The following TGM3 variants were observed in gnomAD, a reference collection of about 807,000 sequenced individuals.
TGM3 encodes the protein protein-glutamine gamma-glutamyltransferase E.
In TGM3, 52 loss-of-function variants were observed where a neutral mutation model predicts 73.8. The ratio of observed to expected loss-of-function variants is 0.70; its 90% CI spans 0.56 to 0.89. The LOEUF is 0.89. TGM3 is among the 40% of genes least tolerant of loss of function. The pLI, the probability that TGM3 is intolerant of heterozygous loss-of-function variation, is 0.00. For missense variants in TGM3, 928 were observed against 909.9 expected (o/e 1.02, Z -0.26); for synonymous variants, 372 against 354.9 (o/e 1.05, Z -0.54).
chr20:2,325,829 G>A lies in TGM3; in HGVS notation c.984-20G>A, dbSNP rs538219176. On this transcript the variant is annotated intron_variant, in intron 7 of 12. Transcript: ENST00000381458. ...TGTGTGGTCTTGGGCAAGCGCTGCA[G>A]TCTCTGGTTCTATCTGCAGGAATTT... 42 of 1,536,146 alleles carry A rather than the reference G, an allele frequency of 2.7e-5. No homozygotes were observed. In the African/African-American group the frequency reaches 4.9e-4, roughly 18 times the overall value.
chr20:2,302,429 C>A (rs963587846), intron 1 of TGM3, among the ~76,000 whole-genome samples: 3 of 151,962 alleles, frequency 2.0e-5, no homozygotes, highest in Non-Finnish European at 2.9e-5. Context: ...GTGAACCCCC[C>A]CAAAAAACAA....
intron 1 of TGM3, among the ~76,000 whole-genome samples, chr20:2,307,403 C>T (rs1310504164): frequency 6.6e-6 from 1 of 152,214 alleles, no homozygotes; most frequent in Non-Finnish European, 1.5e-5. Flanking sequence ...AGCGCCCCTG[C>T]TCCAGACAAG....
In TGM3 at chr20:2,340,737, C is replaced by A; in HGVS notation, c.*156C>A. 1 of 960,520 alleles carries A rather than the reference C, an allele frequency of 1.0e-6. No homozygotes were observed. Among genetic ancestry groups the A allele is most frequent in the Non-Finnish European group, 1.6e-6 (1 of 623,904 alleles). The allele number at this position is 960,520 out of a possible 1,614,324, so 59.5% of individuals were successfully genotyped here. A position where few individuals can be genotyped will look rare whatever the true frequency, so the allele number is the denominator to read the frequency against. On this transcript the variant is annotated 3_prime_UTR_variant, in exon 13 of 13. Transcript: ENST00000381458. ...CCTCCAGGCTCCAGCACATCCCCCTCTCCTCTCCCCCAGGTTGGGGCTGGG... is the reference window on the plus strand; with the variant it reads ...CCTCCAGGCTCCAGCACATCCCCCTATCCTCTCCCCCAGGTTGGGGCTGGG...
rs79368040 is a variant in TGM3, at chr20:2,332,551, G to T, written c.1642+241G>T. 4.3e-3 allele frequency among the ~76,000 whole-genome samples: 657 copies of T among 152,304 alleles called. 3 individuals carry two copies. Among genetic ancestry groups the T allele is most frequent in the African/African-American group, 0.015 (634 of 41,560 alleles). ...TTTACGCCCCAAGGGAGGAAGGAGG[G>T]AGGCTTTGGCAGTTCATAGCTATGG... On this transcript the variant is annotated intron_variant, in intron 10 of 12. Transcript: ENST00000381458. The surrounding 1 kb of genome is among the most constrained non-coding windows in gnomAD (Gnocchi z 4.4).
At chr20:2,339,112 AG>A (rs1304761827) in intron 11 of TGM3, among the ~76,000 whole-genome samples, 1 of 152,266 alleles carries the variant, frequency 6.6e-6, no homozygotes, top group African/African-American at 2.4e-5. Flanking sequence ...GAAGTTTAGA[AG>A]GACATTGGTA....
chr20:2,315,517 T>C (rs1050006299), intron 5 of TGM3, among the ~76,000 whole-genome samples: 1 of 152,226 alleles, frequency 6.6e-6, no homozygotes, highest in African/African-American at 2.4e-5. Context: ...AGGCTGGGCA[T>C]GGCCTGTCCT....
intron 5 of TGM3, among the ~76,000 whole-genome samples, chr20:2,314,333 T>C (rs2084222305): frequency 2.0e-5 from 3 of 150,784 alleles, no homozygotes; most frequent in Admixed American, 2.0e-4. Flanking sequence ...AAGACCCTGT[T>C]TCCAAAAATA....
chr20:2,340,033 C>A, intron 12 of TGM3, 46 bp downstream of exon 12: 5 of 196,582 alleles, frequency 2.5e-5, no homozygotes, highest in South Asian at 8.7e-5. Flanking sequence ...CGGGAGGGGG[C>A]GGGGGGGCCC....
At position 2,337,485 on chromosome 20, in the gene TGM3, G is replaced by A. The variant is rs146668858; in HGVS notation, c.1800+2212G>A. On this transcript the variant is annotated intron_variant, in intron 11 of 12. Coordinates refer to ENST00000381458, the MANE Select transcript of TGM3 (RefSeq NM_003245.4). ...TGCAATCCCAGCACTTTGGGAAGCC[G>A]AGGCAGGTGGAGCACCTGAGGTCAG... Among the ~76,000 whole-genome samples the A allele has an allele frequency of 5.9e-5, 9 of 152,242 alleles. No homozygotes were observed. The East Asian group carries it at 1.4e-3, about 23-fold the overall frequency.
chr20:2,330,899 G>T (rs564873720), intron 9 of TGM3, among the ~76,000 whole-genome samples: 1 of 151,040 alleles, frequency 6.6e-6, no homozygotes, highest in Non-Finnish European at 1.5e-5. Context: ...CCAGCTACTC[G>T]GGAGGCTGAA....
intron 1 of TGM3, among the ~76,000 whole-genome samples, chr20:2,309,208 C>G (rs1238204911): frequency 6.6e-6 from 1 of 152,184 alleles, no homozygotes; most frequent in Non-Finnish European, 1.5e-5. Flanking sequence ...GAGCCCCCAT[C>G]CACAAAGCAA....
chr20:2,303,683 C>T (rs1009348340), intron 1 of TGM3, among the ~76,000 whole-genome samples: 5 of 152,048 alleles, frequency 3.3e-5, no homozygotes, highest in African/African-American at 1.2e-4. Flanking sequence ...AAAGTAGTGC[C>T]TGCACATATG....
At chr20:2,309,355 C>G (rs920575725) in intron 1 of TGM3, among the ~76,000 whole-genome samples, 1 of 152,218 alleles carries the variant, frequency 6.6e-6, no homozygotes, top group South Asian at 2.1e-4. Context: ...GGGGGAAAGA[C>G]ACTCTCAGCT....
chr20:2,304,026 C>A (rs549802589), intron 1 of TGM3, among the ~76,000 whole-genome samples: 1 of 152,190 alleles, frequency 6.6e-6, no homozygotes, highest in Non-Finnish European at 1.5e-5. Flanking sequence ...AAGAATCATG[C>A]GACTCCTGTC....
chr20:2,313,127 C>A lies in TGM3; in HGVS notation c.669+101C>A, dbSNP rs1323367108. The A allele has an allele frequency of 4.0e-6, 6 of 1,501,422 alleles. No homozygotes were observed. The Admixed American group carries it at 9.2e-5, about 23-fold the overall frequency. The allele number at this position is 1,501,422 out of a possible 1,614,324, so 93.0% of individuals were successfully genotyped here. A position where few individuals can be genotyped will look rare whatever the true frequency, so the allele number is the denominator to read the frequency against. On this transcript the variant is annotated intron_variant, in intron 5 of 12. Coordinates refer to ENST00000381458, the MANE Select transcript of TGM3 (RefSeq NM_003245.4). ...CTTTACATATGTCATCTCATTAAAG[C>A]CTCACCAATTACAGCTGGTGGTTAG...
intron 6 of TGM3, 37 bp from the exon 7 acceptor site, chr20:2,317,313 C>T: frequency 1.9e-6 from 3 of 1,614,082 alleles, no homozygotes; most frequent in Non-Finnish European, 2.5e-6. Flanking sequence ...GGTACCATCT[C>T]CACCACCTGA....
chr20:2,319,181 G>A lies in TGM3; in HGVS notation c.983+1696G>A, dbSNP rs1172805386. Among the ~76,000 whole-genome samples, 4 of 152,188 alleles carry A rather than the reference G, an allele frequency of 2.6e-5. No homozygotes were observed. The South Asian group carries it at 8.3e-4, about 32-fold the overall frequency. ...ATCGCAACCAGCTCTGATCACTGGG[G>A]CTATGCCATTCCTAACTTTAGTTTC... On this transcript the variant is annotated intron_variant, in intron 7 of 12. Transcript: ENST00000381458.
At chr20:2,304,967 A>AT (rs1248004302) in intron 1 of TGM3, among the ~76,000 whole-genome samples, 1 of 152,220 alleles carries the variant, frequency 6.6e-6, no homozygotes, top group Non-Finnish European at 1.5e-5. Context: ...ACAGACGACC[A>AT]GCTTATGGTA....
rs2084370739 is a variant in TGM3, at chr20:2,339,865, GGCTCGTGTGCGGAA to G, written c.1815_1828del (p.Arg606CysfsTer13). 1 of 1,613,962 alleles carries G rather than the reference GGCTCGTGTGCGGAA, an allele frequency of 6.2e-7. No individual in the cohort carries two copies. On this transcript the variant is annotated frameshift_variant, in exon 12 of 13. Coordinates refer to ENST00000381458, the MANE Select transcript of TGM3 (RefSeq NM_003245.4). LOFTEE classifies it high-confidence loss of function. Reference sequence around the variant, plus strand: ...CCTCTCCCCCATAGGTGCTGAACGAGGCTCGTGTGCGGAAGCCTGTGAACGTGCAGATGCTCTTC... The same window carrying G: ...CCTCTCCCCCATAGGTGCTGAACGAGGCCTGTGAACGTGCAGATGCTCTTC...
Sources: allele counts gnomAD v4.1 joint callset (sites outside exome capture counted in the v4.1 genomes callset), GRCh38; gene constraint gnomAD v4.1.1; non-coding constraint Gnocchi (gnomAD v3.1); transcripts MANE v1.5; gene names NCBI Gene and HGNC (gene_info 2026-07-23, HGNC 2026-07-21).